The following SPATS2L variants were observed in gnomAD, a reference collection of about 807,000 sequenced individuals.
The protein encoded by SPATS2L is spermatogenesis associated serine rich 2 like, also known as SPATS2-like protein.
In SPATS2L, 30 loss-of-function variants were observed where a neutral mutation model predicts 59.6. That is an observed-to-expected ratio of 0.50 (90% CI 0.38 to 0.68). The LOEUF (loss-of-function observed/expected upper bound fraction) is 0.68. Ranked by LOEUF, SPATS2L falls within the 30% of genes least tolerant of loss-of-function variation. The pLI is 0.00. For synonymous variants in SPATS2L, 252 were observed against 263.5 expected (o/e 0.96, Z 0.42); for missense variants, 615 against 700.0 (o/e 0.88, Z 1.37).
At chr2:200,350,902 T>G (rs1162104290) in intron 2 of SPATS2L, among the ~76,000 whole-genome samples, 1 of 151,608 alleles carries the variant, frequency 6.6e-6, no homozygotes, top group African/African-American at 2.4e-5. Flanking sequence ...GTGTGGTTAA[T>G]TTTTTTTTGT....
At chr2:200,469,692 G>A in intron 10 of SPATS2L, 2 of 491,242 alleles carry the variant, frequency 4.1e-6, no homozygotes, top group South Asian at 3.4e-5. Flanking sequence ...CCAAACAAGA[G>A]AAACACAGGC....
At chr2:200,471,322 C>G (rs1056776474) in intron 11 of SPATS2L, among the ~76,000 whole-genome samples, 15 of 152,156 alleles carry the variant, frequency 9.9e-5, no homozygotes, top group African/African-American at 3.4e-4. Flanking sequence ...TTCTCTATCC[C>G]CAGCTTTTGC....
At chr2:200,469,791 G>A (rs2086888429) in intron 10 of SPATS2L, 123 bp from the exon 11 acceptor site, 1 of 709,560 alleles carries the variant, frequency 1.4e-6, no homozygotes, top group Non-Finnish European at 2.4e-6. Flanking sequence ...CAACAGGGCT[G>A]GAAAGATCCC....
At chr2:200,435,144 C>T (rs1031917577) in intron 6 of SPATS2L, among the ~76,000 whole-genome samples, 4 of 152,066 alleles carry the variant, frequency 2.6e-5, no homozygotes, top group African/African-American at 9.7e-5. Context: ...TCATTTATTG[C>T]CTATTAATAA....
At chr2:200,358,428 A>G (rs1236157458) in intron 2 of SPATS2L, among the ~76,000 whole-genome samples, 1 of 152,218 alleles carries the variant, frequency 6.6e-6, no homozygotes, top group African/African-American at 2.4e-5. Context: ...CTTAGAGCTA[A>G]ATTCTATGGC....
rs969545770 is a variant in SPATS2L, at chr2:200,389,263, C to A, written c.19C>A (p.His7Asn). ...AAGCAAGATGGCTGAACTCAATACT[C>A]ATGTGAATGTCAAGGAAAAGGTAAG... MAELNT[H>N]VNVKEKIYAV... Residue 7 changes from histidine to asparagine, a missense_variant, in exon 3 of 13, where the codon CAT becomes AAT. Around this residue, in one of 3 missense-constraint regions of SPATS2L, gnomAD observed 227 missense variants for 257.4 expected, o/e 0.88. Transcript: ENST00000409140. 3 of 1,584,530 alleles carry A rather than the reference C, an allele frequency of 1.9e-6. No individual in the cohort carries two copies. Among genetic ancestry groups the A allele is most frequent in the Non-Finnish European group, 2.6e-6 (3 of 1,163,274 alleles).
intron 1 of SPATS2L, among the ~76,000 whole-genome samples, chr2:200,323,721 A>G (rs2079638713): frequency 1.3e-5 from 2 of 152,226 alleles, no homozygotes; most frequent in Admixed American, 1.3e-4. Context: ...AAAGACCTTT[A>G]TAGAAATAGG....
At chr2:200,395,002 A>G (rs544540004) in intron 3 of SPATS2L, among the ~76,000 whole-genome samples, 22 of 152,314 alleles carry the variant, frequency 1.4e-4, no homozygotes, top group African/African-American at 4.6e-4. Flanking sequence ...CTTTGGGCTA[A>G]TCTGATCTTA....
At chr2:200,424,631 T>C (rs908294984) in intron 6 of SPATS2L, among the ~76,000 whole-genome samples, 1 of 152,224 alleles carries the variant, frequency 6.6e-6, no homozygotes, top group Non-Finnish European at 1.5e-5. Context: ...GCCCTATGCT[T>C]CCTGAGGCTC....
chr2:200,446,015 G>A (rs529572079), intron 8 of SPATS2L, among the ~76,000 whole-genome samples: 51 of 152,150 alleles, frequency 3.4e-4, no homozygotes, highest in Non-Finnish European at 5.6e-4. Context: ...CCTAAGTGCC[G>A]CCCCCAGAGA....
chr2:200,320,744 C>T (rs2079534943), intron 1 of SPATS2L, among the ~76,000 whole-genome samples: 1 of 152,282 alleles, frequency 6.6e-6, no homozygotes, highest in South Asian at 2.1e-4. Flanking sequence ...TTATTTGACT[C>T]TCATATTAAT....
Position 200,383,294 on chromosome 2 carries a change from G to A in SPATS2L, c.-22-5929G>A, listed in dbSNP as rs2081883969. On this transcript the variant is annotated intron_variant, in intron 2 of 12. Transcript: ENST00000409140. ...AGTCACATTAAAAAAGTGAAAAGAA[G>A]TGGATGAAATTAATTTTAATACTGT... is the stretch of plus-strand genomic sequence containing the variant. 2.6e-5 allele frequency among the ~76,000 whole-genome samples: 4 copies of A among 152,240 alleles called. No homozygotes were observed. The South Asian group carries it at 6.2e-4, about 24-fold the overall frequency.
upstream of SPATS2L, chr2:200,306,072 C>A: frequency 2.0e-6 from 2 of 985,476 alleles, no homozygotes; most frequent in Non-Finnish European, 2.4e-6. Context: ...AGACCCGCAG[C>A]GCAGAGGAGG....
intron 3 of SPATS2L, 65 bp from the exon 4 acceptor site, chr2:200,412,246 A>G (rs2082899681): frequency 1.0e-6 from 1 of 981,748 alleles, no homozygotes; most frequent in Non-Finnish European, 1.5e-6. Context: ...CCAGTGGGCA[A>G]TTCATAGATG....
At position 200,412,406 on chromosome 2, in the gene SPATS2L, A is replaced by G; in HGVS notation, c.135A>G (p.Gln45=). The G allele has an allele frequency of 6.3e-7, 1 of 1,597,144 alleles. No individual in the cohort carries two copies. Among genetic ancestry groups the G allele is most frequent in the Non-Finnish European group, 8.5e-7 (1 of 1,169,692 alleles). ...ATTTTAATGTGGATAAAGCCGTGCA[A>G]GCCTTTGTGGATGGTAGGTATACCT... ...QFDFNVDKAV[Q]AFVDGSAIQV... The change falls in exon 4 of 13, where the codon CAA becomes CAG. Residue 45 remains glutamine (Q), a synonymous_variant. Transcript: ENST00000409140.
At chr2:200,411,400 A>G (rs2082873951) in intron 3 of SPATS2L, among the ~76,000 whole-genome samples, 1 of 152,228 alleles carries the variant, frequency 6.6e-6, no homozygotes, top group African/African-American at 2.4e-5. Context: ...CCCACTGATC[A>G]TAATTTAAAT....
chr2:200,306,360 T>G (rs902871480), upstream of SPATS2L: 16 of 1,001,590 alleles, frequency 1.6e-5, no homozygotes, highest in Middle Eastern at 5.6e-4. Flanking sequence ...CAAGGGGAGT[T>G]TCGGTGAAGT....
intron 8 of SPATS2L, among the ~76,000 whole-genome samples, chr2:200,456,280 C>T (rs962941324): frequency 6.6e-6 from 1 of 152,182 alleles, no homozygotes; most frequent in African/African-American, 2.4e-5. Flanking sequence ...AAAGCAGCCA[C>T]CCATAGATAG....
At chr2:200,370,295 A>G (rs1341792649) in intron 2 of SPATS2L, among the ~76,000 whole-genome samples, 3 of 152,250 alleles carry the variant, frequency 2.0e-5, no homozygotes, top group Admixed American at 6.5e-5. Context: ...TTCCTGTTCA[A>G]TAGAATAAAT....
Sources: gnomAD v4.1 joint callset for allele counts (sites outside exome capture counted in the v4.1 genomes callset) on GRCh38, gnomAD v4.1.1 for gene constraint, gnomAD v4.1.1 regional missense constraint, MANE v1.5 for transcripts, NCBI Gene and HGNC (gene_info 2026-07-23, HGNC 2026-07-21) for gene names.